Variants in PLPPR1 observed in about 807,000 individuals in gnomAD.
The protein encoded by PLPPR1 is phospholipid phosphatase-related protein type 1.
A neutral mutation model predicts 33.1 loss-of-function variants in PLPPR1; 10 were observed. That is an observed-to-expected ratio of 0.30 (90% confidence interval 0.19 to 0.51). The LOEUF (loss-of-function observed/expected upper bound fraction) is 0.51, where lower values mean the gene tolerates loss of function less well. Among genes scored for constraint, PLPPR1 ranks in the 20% least tolerant of loss-of-function variants. The pLI is 0.97. For missense variants in PLPPR1, 304 were observed against 408.1 expected (o/e 0.74, Z 2.20); for synonymous variants, 151 against 151.0 (o/e 1.00, Z 0.00).
chr9:101,228,533 T>TA (rs1206331782), intron 2 of PLPPR1, among the ~76,000 whole-genome samples: 8 of 151,790 alleles, frequency 5.3e-5, no homozygotes, highest in African/African-American at 1.9e-4. Context: ...AATAAGTATA[T>TA]AAAACAGACA....
chr9:101,187,220 T>C (rs1826219754), intron 2 of PLPPR1: 1 of 151,930 alleles, frequency 6.6e-6, no homozygotes, highest in Non-Finnish European at 1.5e-5. Context: ...TCCATCATCA[T>C]CTTTATCCTC....
chr9:101,061,681 G>A (rs1830349550), intron 1 of PLPPR1, among the ~76,000 whole-genome samples: 1 of 150,182 alleles, frequency 6.7e-6, no homozygotes, highest in African/African-American at 2.4e-5. Context: ...CCCTAGACTT[G>A]TTAGAGACTA....
intron 2 of PLPPR1, among the ~76,000 whole-genome samples, chr9:101,240,447 T>A (rs1016822708): frequency 2.0e-5 from 3 of 151,942 alleles, no homozygotes; most frequent in African/African-American, 7.3e-5. Flanking sequence ...ATCATTGGCA[T>A]TTTGATTTGG....
chr9:101,033,867 T>C (rs1829978215), intron 1 of PLPPR1, among the ~76,000 whole-genome samples: 1 of 152,136 alleles, frequency 6.6e-6, no homozygotes, highest in South Asian at 2.1e-4. Context: ...GTACAAGCAA[T>C]TTCCTTTCAT....
intron 2 of PLPPR1, among the ~76,000 whole-genome samples, chr9:101,192,562 G>A (rs923963032): frequency 2.0e-5 from 3 of 152,114 alleles, no homozygotes; most frequent in Admixed American, 6.6e-5. Flanking sequence ...GTACCTGAAT[G>A]TGCTTGCCAA....
intron 7 of PLPPR1, among the ~76,000 whole-genome samples, chr9:101,320,606 C>T (rs758284273): frequency 1.3e-5 from 2 of 152,174 alleles, no homozygotes; most frequent in African/African-American, 2.4e-5. Context: ...GAAGTATTGC[C>T]TCTCACATTA....
At chr9:101,061,336 TA>T (rs1830345304) in intron 1 of PLPPR1, among the ~76,000 whole-genome samples, 2 of 152,016 alleles carry the variant, frequency 1.3e-5, no homozygotes, top group Admixed American at 6.6e-5. Flanking sequence ...TTTATGATAT[TA>T]AAAAAACATG....
intron 1 of PLPPR1, among the ~76,000 whole-genome samples, chr9:101,181,717 C>CTATAA (rs1158180046): frequency 8.3e-6 from 1 of 120,038 alleles, no homozygotes; most frequent in Admixed American, 9.0e-5. Flanking sequence ...CACCAAATTA[C>CTATAA]TATTTGGGGG....
chr9:101,191,820 G>C (rs989808863), intron 2 of PLPPR1, among the ~76,000 whole-genome samples: 3 of 152,154 alleles, frequency 2.0e-5, no homozygotes, highest in Non-Finnish European at 4.4e-5. Flanking sequence ...ACTCTAAGTG[G>C]AGCTTAGTTA....
chr9:101,230,343 T>C (rs1351850481), intron 2 of PLPPR1, among the ~76,000 whole-genome samples: 1 of 152,116 alleles, frequency 6.6e-6, no homozygotes, highest in Admixed American at 6.6e-5. Context: ...TTTTGATTGT[T>C]GATATTTCCT....
Position 101,251,150 on chromosome 9 carries a change from G to A in PLPPR1, c.64-18730G>A, listed in dbSNP as rs557675693. 2.6e-5 allele frequency among the ~76,000 whole-genome samples: 4 copies of A among 152,054 alleles called. No homozygotes were observed. In the East Asian group the frequency reaches 5.8e-4, roughly 22 times the overall value. On this transcript the variant is annotated intron_variant, in intron 2 of 7. Coordinates refer to ENST00000374874, the MANE Select transcript of PLPPR1 (RefSeq NM_207299.2). ...AATTAAACTTATTTAATTTTAAACC[G>A]ATAGCCCCCAAATTTGTTCCTTTTA...
chr9:101,135,290 C>T (rs1480377476), intron 1 of PLPPR1, among the ~76,000 whole-genome samples: 1 of 152,164 alleles, frequency 6.6e-6, no homozygotes, highest in Non-Finnish European at 1.5e-5. Flanking sequence ...TCTAAATCCC[C>T]ATTTGGGAAC....
chr9:101,204,510 A>G (rs1420506327), intron 2 of PLPPR1, among the ~76,000 whole-genome samples: 2 of 152,136 alleles, frequency 1.3e-5, no homozygotes, highest in Non-Finnish European at 2.9e-5. Context: ...TTTAAGTTCC[A>G]GCCAGCCATA....
chr9:101,085,586 G>A (rs1390907720), intron 1 of PLPPR1, among the ~76,000 whole-genome samples: 1 of 152,024 alleles, frequency 6.6e-6, no homozygotes, highest in African/African-American at 2.4e-5. Flanking sequence ...AGATACTATA[G>A]GAATAGAGGG....
At chr9:101,172,967 T>C (rs571493652) in intron 1 of PLPPR1, among the ~76,000 whole-genome samples, 13 of 152,206 alleles carry the variant, frequency 8.5e-5, no homozygotes, top group Admixed American at 7.9e-4. Flanking sequence ...GTTTCAGGCA[T>C]GAAATCCTAC....
At position 101,309,611 on chromosome 9, in the gene PLPPR1, C is replaced by G. The variant is rs542516725; in HGVS notation, c.636+150C>G. 628 of 786,310 alleles carry G rather than the reference C, an allele frequency of 8.0e-4. 2 individuals carry two copies. The highest frequency in any genetic ancestry group is 1.1e-3 in the Non-Finnish European group (563 of 502,166). 48.7% of individuals were successfully genotyped at this position (786,310 alleles called of 1,614,324 possible). A position where few individuals can be genotyped will look rare whatever the true frequency, so the allele number is the denominator to read the frequency against. On this transcript the variant is annotated intron_variant, in intron 5 of 7. Coordinates refer to ENST00000374874, the MANE Select transcript of PLPPR1 (RefSeq NM_207299.2). ...TACATTATGCTATTGATATACTAGCCCCCCCACACACACACTTCTACCCCA... is the reference window on the plus strand; with the variant it reads ...TACATTATGCTATTGATATACTAGCGCCCCCACACACACACTTCTACCCCA...
chr9:101,186,328 GT>G (rs950461644), intron 2 of PLPPR1, among the ~76,000 whole-genome samples: 10 of 150,570 alleles, frequency 6.6e-5, no homozygotes, highest in African/African-American at 2.2e-4. Context: ...TAGTGGATCG[GT>G]TTTTTTTTAG....
At chr9:101,319,617 T>G (rs1829116709) in intron 7 of PLPPR1, among the ~76,000 whole-genome samples, 1 of 152,154 alleles carries the variant, frequency 6.6e-6, no homozygotes, top group Admixed American at 6.6e-5. Flanking sequence ...AATAAAATAT[T>G]AACAAAAATA....
chr9:101,125,680 G>T (rs1244330695), intron 1 of PLPPR1: 3 of 626,030 alleles, frequency 4.8e-6, no homozygotes, highest in South Asian at 3.3e-5. Context: ...GCAAAACAAT[G>T]ACCATTGTAA....
Sources: allele counts gnomAD v4.1 joint callset (sites outside exome capture counted in the v4.1 genomes callset), GRCh38; gene constraint gnomAD v4.1.1; transcripts MANE v1.5; gene names NCBI Gene and HGNC (gene_info 2026-07-23, HGNC 2026-07-21).